The following PACC1 variants were observed in gnomAD, a reference collection of about 807,000 sequenced individuals.
PACC1 encodes proton activated chloride channel 1, also known as proton-activated chloride channel.
PACC1 carries 34 observed loss-of-function variants against 39.7 expected under a neutral mutation model. The ratio of observed to expected loss-of-function variants is 0.86; its 90% CI spans 0.65 to 1.14. The LOEUF (loss-of-function observed/expected upper bound fraction) is 1.14, where lower values mean the gene tolerates loss of function less well. PACC1 is among the 50% of genes most tolerant of loss of function. PACC1 has a pLI of 0.00. For missense variants in PACC1, 379 were observed against 436.4 expected, an observed-to-expected ratio of 0.87 and a Z score of 1.17; for synonymous variants, 127 against 160.6, an observed-to-expected ratio of 0.79 and a Z score of 1.58.
chr1:212,404,703 C>CTT (rs547795519), intron 2 of PACC1, among the ~76,000 whole-genome samples: 4 of 140,368 alleles, frequency 2.8e-5, no homozygotes, highest in South Asian at 2.3e-4. Flanking sequence ...GCCTTCCTTC[C>CTT]TTTTTTTTTT....
intron 5 of PACC1, among the ~76,000 whole-genome samples, chr1:212,379,232 C>T (rs1422839989): frequency 6.6e-6 from 1 of 152,154 alleles, no homozygotes; most frequent in Non-Finnish European, 1.5e-5. Context: ...TGTGAGCCAC[C>T]ACACCTGGCC....
chr1:212,408,104 G>A (rs935218699), intron 2 of PACC1, among the ~76,000 whole-genome samples: 6 of 151,420 alleles, frequency 4.0e-5, no homozygotes, highest in African/African-American at 1.5e-4. Flanking sequence ...AACACCACTG[G>A]TGTAGTAGAG....
intron 7 of PACC1, 148 bp downstream of exon 7, chr1:212,375,045 A>G: frequency 1.9e-6 from 1 of 526,982 alleles, no homozygotes; most frequent in Non-Finnish European, 3.5e-6. Flanking sequence ...ATGAAAAAAG[A>G]TGAGGACAGG....
intron 2 of PACC1, 38 bp from the exon 3 acceptor site, chr1:212,387,138 G>C (rs1661132610): frequency 6.2e-7 from 1 of 1,607,012 alleles, no homozygotes; most frequent in Non-Finnish European, 8.5e-7. Context: ...CAGGGCACAG[G>C]GACAAGGTAC....
chr1:212,387,565 C>G (rs1661150048), intron 2 of PACC1: 1 of 163,076 alleles, frequency 6.1e-6, no homozygotes, highest in Non-Finnish European at 1.3e-5. Context: ...CATCGACTTT[C>G]TGTTCTTCTG....
At chr1:212,414,666 C>T (rs972237544) in intron 1 of PACC1, 56 bp downstream of exon 1, 20 of 1,607,972 alleles carry the variant, frequency 1.2e-5, no homozygotes, top group African/African-American at 1.1e-4. Context: ...CGCCCAGGCC[C>T]CCGGGACCCT....
chr1:212,414,828 G>T lies in PACC1; in HGVS notation c.-71C>A. 6.3e-7 allele frequency: 1 copy of T among 1,591,824 alleles called. No individual in the cohort carries two copies. Among genetic ancestry groups the T allele is most frequent in the Non-Finnish European group, 8.6e-7 (1 of 1,162,468 alleles). ...GGCGCACGGACGCAGCACTGCGGCC[G>T]CTGCACCTGGACCTACCGGCTCCGC... On this transcript the variant is annotated 5_prime_UTR_variant, in exon 1 of 8. Transcript: ENST00000261455.
intron 2 of PACC1, among the ~76,000 whole-genome samples, chr1:212,393,294 C>G (rs1446651210): frequency 2.6e-5 from 4 of 151,634 alleles, no homozygotes; most frequent in Non-Finnish European, 4.4e-5. Context: ...ACTCAAAACC[C>G]CTCAACTACA....
intron 4 of PACC1, among the ~76,000 whole-genome samples, chr1:212,382,605 A>G (rs542979849): frequency 1.3e-5 from 2 of 152,360 alleles, no homozygotes; most frequent in South Asian, 4.1e-4. Context: ...TCACTTTCAC[A>G]TGAACTTGAT....
At chr1:212,373,866 G>T (rs1295612674) in intron 7 of PACC1, among the ~76,000 whole-genome samples, 2 of 152,060 alleles carry the variant, frequency 1.3e-5, no homozygotes, top group African/African-American at 4.8e-5. Flanking sequence ...AGATGCTGGT[G>T]AAGATGTGGA....
rs551167065 is a variant in PACC1, at chr1:212,386,332, A to G, written c.343+559T>C. Among the ~76,000 whole-genome samples, 197 of 152,256 alleles carry G rather than the reference A, an allele frequency of 1.3e-3. No individual in the cohort carries two copies. Among genetic ancestry groups the G allele is most frequent in the African/African-American group, 4.4e-3 (183 of 41,540 alleles). On this transcript the variant is annotated intron_variant, in intron 3 of 7. Coordinates refer to ENST00000261455, the MANE Select transcript of PACC1 (RefSeq NM_018252.3). The surrounding 1 kb of genome is among the most constrained non-coding windows in gnomAD (Gnocchi z 5.0). ...CAGCCCAGAGCAGATAGCTTGCTCT[A>G]TAGCAGAGTGGACTCCCCACTCAGG...
intron 4 of PACC1, among the ~76,000 whole-genome samples, chr1:212,384,251 T>A (rs572049274): frequency 2.1e-4 from 32 of 152,296 alleles, no homozygotes; most frequent in African/African-American, 7.5e-4. Context: ...CCTTAGAGAA[T>A]CATTTTAGCA....
At chr1:212,399,956 T>C (rs6704234) in intron 2 of PACC1, among the ~76,000 whole-genome samples, 40,701 of 151,878 alleles carry the variant, frequency 0.27, 7,499 homozygotes, top group African/African-American at 0.53. Context: ...GTGATTCTCC[T>C]GCCTCAGCCT....
intron 2 of PACC1, among the ~76,000 whole-genome samples, chr1:212,402,197 C>T (rs12031941): frequency 0.16 from 24,719 of 152,106 alleles, 2,769 homozygotes; most frequent in East Asian, 0.38. Context: ...GAATTGCTGG[C>T]CCATATGGTA....
chr1:212,397,568 C>T (rs984711301), intron 2 of PACC1, among the ~76,000 whole-genome samples: 1 of 152,194 alleles, frequency 6.6e-6, no homozygotes, highest in African/African-American at 2.4e-5. Flanking sequence ...TCATTCTTTA[C>T]TTCTACAAGA....
intron 7 of PACC1, among the ~76,000 whole-genome samples, chr1:212,371,631 T>C (rs540054976): frequency 6.6e-6 from 1 of 152,180 alleles, no homozygotes; most frequent in Admixed American, 6.5e-5. Context: ...GCAATTCTAC[T>C]CAAACTATTC....
rs1160607066 is a variant in PACC1, at chr1:212,401,675, C to CT, written c.133+8749dup. Among the ~76,000 whole-genome samples the CT allele has an allele frequency of 4.7e-3, 623 of 131,756 alleles. 11 individuals carry two copies. The highest frequency in any genetic ancestry group is 4.7e-3 in the African/African-American group (171 of 36,648). The allele number at this position is 131,756 out of a possible 152,430, so 86.4% of individuals were successfully genotyped here. A position where few individuals can be genotyped will look rare whatever the true frequency, so the allele number is the denominator to read the frequency against. On this transcript the variant is annotated intron_variant, in intron 2 of 7. Transcript: ENST00000261455. ...TCCAAGTTACAGCATGCATCAGTTC[C>CT]TTTTTTTTTTTTTTTTGAGACAGAG...
intron 1 of PACC1, 83 bp downstream of exon 1, chr1:212,414,639 A>ACCCCCCCCCCCCCAACC: frequency 2.1e-6 from 3 of 1,415,924 alleles, no homozygotes; most frequent in Non-Finnish European, 2.0e-6. Context: ...CAGCCCCGAC[A>ACCCCCCCCCCCCCAACC]CCCCCCGCCC....
intron 2 of PACC1, among the ~76,000 whole-genome samples, chr1:212,396,357 T>C (rs1447694034): frequency 2.0e-5 from 3 of 152,052 alleles, no homozygotes; most frequent in African/African-American, 2.4e-5. Flanking sequence ...AAACACTGCA[T>C]GTTCTCACTC....
Sources: gnomAD v4.1 joint callset for allele counts (sites outside exome capture counted in the v4.1 genomes callset) on GRCh38, gnomAD v4.1.1 for gene constraint, Gnocchi (gnomAD v3.1) non-coding constraint, MANE v1.5 for transcripts, NCBI Gene and HGNC (gene_info 2026-07-23, HGNC 2026-07-21) for gene names.